The following RALGAPA1 variants were observed in gnomAD, a reference collection of about 807,000 sequenced individuals.
RALGAPA1 encodes ral GTPase-activating protein subunit alpha-1.
Under a neutral mutation model 269.6 loss-of-function variants are expected in RALGAPA1, and 52 were observed. The ratio of observed to expected loss-of-function variants is 0.19; its 90% CI spans 0.15 to 0.24. RALGAPA1 has a LOEUF of 0.24. Ranked by LOEUF, RALGAPA1 falls within the 10% of genes least tolerant of loss-of-function variation. The probability of loss-of-function intolerance (pLI) is 1.00; values close to 1 mark genes in which losing one functional copy is unlikely to be tolerated. For missense variants in RALGAPA1, 1,917 were observed against 3,013.9 expected (o/e 0.64, Z 8.52); for synonymous variants, 817 against 1,008.3 (o/e 0.81, Z 3.60).
intron 16 of RALGAPA1, among the ~76,000 whole-genome samples, chr14:35,719,704 G>A (rs2069191253): frequency 6.6e-6 from 1 of 152,016 alleles, no homozygotes; most frequent in Non-Finnish European, 1.5e-5. Flanking sequence ...AAAAAGATTT[G>A]ATTTAAATAA....
chr14:35,550,428 T>C (rs1443361222), intron 39 of RALGAPA1, among the ~76,000 whole-genome samples: 1 of 152,158 alleles, frequency 6.6e-6, no homozygotes, highest in African/African-American at 2.4e-5. Flanking sequence ...ATATTTTCCC[T>C]CAAAATTCCT....
intron 1 of RALGAPA1, among the ~76,000 whole-genome samples, chr14:35,805,126 G>A (rs1473150565): frequency 1.3e-5 from 2 of 150,550 alleles, no homozygotes; most frequent in Non-Finnish European, 3.0e-5. Flanking sequence ...TCTCTATTAG[G>A]AATACAAAAA....
chr14:35,691,926 C>G (rs2066513342), intron 17 of RALGAPA1, among the ~76,000 whole-genome samples: 1 of 152,116 alleles, frequency 6.6e-6, no homozygotes, highest in Non-Finnish European at 1.5e-5. Context: ...CTCATGCACT[C>G]CACTGAGAAA....
intron 16 of RALGAPA1, among the ~76,000 whole-genome samples, chr14:35,720,693 A>G (rs2140947214): frequency 6.6e-6 from 1 of 152,228 alleles, no homozygotes; most frequent in East Asian, 1.9e-4. Flanking sequence ...TTGAGAGGCC[A>G]AAGTGGGAGG....
At chr14:35,628,668 A>G (rs141051158) in intron 33 of RALGAPA1, among the ~76,000 whole-genome samples, 1 of 152,214 alleles carries the variant, frequency 6.6e-6, no homozygotes, top group Admixed American at 6.5e-5. Context: ...GGGAATCAGA[A>G]TAAATTTAAA....
chr14:35,722,565 C>T (rs1279074344), intron 15 of RALGAPA1, among the ~76,000 whole-genome samples: 1 of 151,302 alleles, frequency 6.6e-6, no homozygotes, highest in Non-Finnish European at 1.5e-5. Flanking sequence ...TGAGCCATGA[C>T]TGTGCTACTA....
In RALGAPA1 at chr14:35,688,514, A is replaced by AGC. The variant is rs2066162325; in HGVS notation, c.3895_3896dup (p.Pro1300LeufsTer3). 2 of 1,535,958 alleles carry AGC rather than the reference A, an allele frequency of 1.3e-6. No individual in the cohort carries two copies. The highest frequency in any genetic ancestry group is 1.7e-6 in the Non-Finnish European group (2 of 1,146,874). ...CATGACTGTACAGATCCCTCAGTGG[A>AGC]GCCTCTGGTGGCATTCTGTTCTGCC... On this transcript the variant is annotated frameshift_variant, in exon 18 of 42. Transcript: ENST00000680220. LOFTEE classifies it high-confidence loss of function.
At chr14:35,561,226 C>CAAAAAA (rs71124706) in intron 39 of RALGAPA1, among the ~76,000 whole-genome samples, 2 of 36,784 alleles carry the variant, frequency 5.4e-5, no homozygotes, top group Non-Finnish European at 8.2e-5. Flanking sequence ...AACTCTGTCT[C>CAAAAAA]AAAAAAAAAA....
At chr14:35,619,040 G>A (rs917802190) in intron 35 of RALGAPA1, among the ~76,000 whole-genome samples, 1 of 151,968 alleles carries the variant, frequency 6.6e-6, no homozygotes, top group Non-Finnish European at 1.5e-5. Context: ...GGAAGAATAA[G>A]TAGGTGAGAC....
At position 35,723,068 on chromosome 14, in the gene RALGAPA1, T is replaced by A. The variant is rs1268456835; in HGVS notation, c.2063A>T (p.Asp688Val). The change falls in exon 15 of 42, where the codon GAT becomes GTT. Residue 688 changes from aspartate to valine, a missense_variant. This residue lies in a region of RALGAPA1 where 40 missense variants were observed against 112.6 expected (regional missense o/e 0.36). Transcript: ENST00000680220. ...TTTTTGTTTCTGTTCACTCAGCTTA[T>A]CCAATGGTAAATCACTGAGATCCAA... The part of the protein sequence containing the change: ...YSLDLSDLPL[D>V]KLSEQKQKKH... The A allele has an allele frequency of 1.2e-6, 2 of 1,607,950 alleles. No homozygotes were observed. The highest frequency in any genetic ancestry group is 1.1e-5 in the South Asian group (1 of 90,912).
At chr14:35,778,559 C>G (rs941096186) in intron 1 of RALGAPA1, among the ~76,000 whole-genome samples, 33 of 152,196 alleles carry the variant, frequency 2.2e-4, no homozygotes, top group Admixed American at 4.6e-4. Context: ...GTGTCTACCT[C>G]AGGATTTCTA....
intron 33 of RALGAPA1, among the ~76,000 whole-genome samples, chr14:35,634,017 TAAGA>T (rs1323320702): frequency 1.5e-4 from 23 of 152,124 alleles, no homozygotes; most frequent in African/African-American, 4.8e-4. Context: ...ATTTTACAAA[TAAGA>T]AAACAGATAT....
At chr14:35,582,886 G>C (rs1432271312) in intron 37 of RALGAPA1, among the ~76,000 whole-genome samples, 1 of 152,112 alleles carries the variant, frequency 6.6e-6, no homozygotes, top group Non-Finnish European at 1.5e-5. Flanking sequence ...GGAAGAGACT[G>C]AAAAACACTA....
At chr14:35,626,119 A>G (rs952142800) in intron 34 of RALGAPA1, among the ~76,000 whole-genome samples, 12 of 152,112 alleles carry the variant, frequency 7.9e-5, no homozygotes, top group African/African-American at 2.9e-4. Flanking sequence ...GAGATATAAC[A>G]TTTCCTATAA....
At chr14:35,797,644 G>C (rs961857473) in intron 1 of RALGAPA1, among the ~76,000 whole-genome samples, 1 of 151,686 alleles carries the variant, frequency 6.6e-6, no homozygotes, top group Non-Finnish European at 1.5e-5. Context: ...TCTGGAGTTC[G>C]AGACCAGCCT....
At chr14:35,570,484 T>C (rs1171154661) in intron 39 of RALGAPA1, 133 bp downstream of exon 39, 1 of 729,606 alleles carries the variant, frequency 1.4e-6, no homozygotes, top group East Asian at 3.3e-5. Flanking sequence ...AACATAATGA[T>C]ACTCCATTTC....
In RALGAPA1 at chr14:35,721,786, T is replaced by C. The variant is rs1189624681; in HGVS notation, c.2168A>G (p.Asp723Gly). The change falls in exon 16 of 42, where the codon GAT becomes GGT. Residue 723 changes from aspartate to glycine, a missense_variant. By Grantham distance (94) the Asp-to-Gly change is moderately conservative. This residue lies in a region of RALGAPA1 where 125 missense variants were observed against 155.7 expected (regional missense o/e 0.80). Transcript: ENST00000680220. Reference sequence around the variant, plus strand: ...TCTCATTGGGGCTTGGCCAGGCTGATCACGACTCCATCCTCTAGAAAATGA... The same window carrying C: ...TCTCATTGGGGCTTGGCCAGGCTGACCACGACTCCATCCTCTAGAAAATGA... ...DKSFSRGWSR[D>G]QPGQAPMRQR... 4 of 1,612,792 alleles carry C rather than the reference T, an allele frequency of 2.5e-6. No individual in the cohort carries two copies. The highest frequency in any genetic ancestry group is 3.4e-6 in the Non-Finnish European group (4 of 1,178,824).
chr14:35,711,430 A>G (rs1340760591), intron 16 of RALGAPA1, among the ~76,000 whole-genome samples: 1 of 152,164 alleles, frequency 6.6e-6, no homozygotes, highest in Non-Finnish European at 1.5e-5. Context: ...TTTGCAATAT[A>G]CATTAACAAC....
intron 26 of RALGAPA1, 86 bp from the exon 27 acceptor site, chr14:35,664,853 G>T: frequency 8.1e-7 from 1 of 1,239,626 alleles, no homozygotes; most frequent in Non-Finnish European, 1.1e-6. Context: ...AACTACATTA[G>T]ACAGGGAAGT....
Sources: allele counts gnomAD v4.1 joint callset (sites outside exome capture counted in the v4.1 genomes callset), GRCh38; gene constraint gnomAD v4.1.1; regional missense constraint gnomAD v4.1.1; transcripts MANE v1.5; gene names NCBI Gene and HGNC (gene_info 2026-07-23, HGNC 2026-07-21).